LTBP1: variants seen among roughly 807,000 people sequenced by gnomAD.
The protein encoded by LTBP1 is latent-transforming growth factor beta-binding protein 1.
In LTBP1, 129 loss-of-function variants were observed where a neutral mutation model predicts 207.6. That is an observed-to-expected ratio of 0.62 (90% CI 0.54 to 0.72). The LOEUF (loss-of-function observed/expected upper bound fraction) is 0.72, where lower values mean the gene tolerates loss of function less well. LTBP1 is among the 30% of genes least tolerant of loss of function. LTBP1 has a pLI of 0.00. For missense variants in LTBP1, 2,281 were observed against 2,217.2 expected, an observed-to-expected ratio of 1.03 and a Z score of -0.58; for synonymous variants, 963 against 833.7, an observed-to-expected ratio of 1.16 and a Z score of -2.67.
intron 5 of LTBP1, among the ~76,000 whole-genome samples, chr2:33,141,016 A>C (rs1275088326): frequency 6.6e-6 from 1 of 152,218 alleles, no homozygotes; most frequent in Non-Finnish European, 1.5e-5. Flanking sequence ...GGCTAGTATT[A>C]GGAACAGTTA....
chr2:33,031,551 A>G (rs931136227), intron 3 of LTBP1, among the ~76,000 whole-genome samples: 1 of 152,250 alleles, frequency 6.6e-6, no homozygotes, highest in African/African-American at 2.4e-5. Flanking sequence ...TGTGGTGCAT[A>G]GTATAAATTC....
intron 10 of LTBP1, among the ~76,000 whole-genome samples, chr2:33,249,986 C>A (rs538259423): frequency 6.6e-6 from 1 of 152,126 alleles, no homozygotes; most frequent in East Asian, 1.9e-4. Flanking sequence ...AAATAATAAA[C>A]GTAGTACACT....
chr2:33,028,848 G>T (rs1233359949), intron 3 of LTBP1, among the ~76,000 whole-genome samples: 1 of 152,144 alleles, frequency 6.6e-6, no homozygotes, highest in Admixed American at 6.6e-5. Flanking sequence ...TAGACATAAG[G>T]CATGTTAACA....
Position 33,134,993 on chromosome 2 carries a change from C to G in LTBP1, c.1201+33C>G. The G allele has an allele frequency of 1.9e-6, 3 of 1,555,206 alleles. No individual in the cohort carries two copies. The highest frequency in any genetic ancestry group is 2.6e-6 in the Non-Finnish European group (3 of 1,150,586). Reference sequence around the variant, plus strand: ...CCTCCACGGTCCCTAACTGTCCTTACTGAGTCGAGTTTTATGAGATTGTAG... The same window carrying G: ...CCTCCACGGTCCCTAACTGTCCTTAGTGAGTCGAGTTTTATGAGATTGTAG... On this transcript the variant is annotated intron_variant, in intron 5 of 33. Coordinates refer to ENST00000404816, the MANE Select transcript of LTBP1 (RefSeq NM_206943.4). This position sits in a 1 kb window ranked among gnomAD's most constrained non-coding sequence, Gnocchi z 4.4.
chr2:33,203,377 T>C (rs978520188), intron 7 of LTBP1, among the ~76,000 whole-genome samples: 11 of 152,246 alleles, frequency 7.2e-5, no homozygotes, highest in African/African-American at 2.7e-4. Context: ...GGAGAACTGC[T>C]CGTTTTACTT....
At chr2:33,337,829 G>A (rs2094570583) in intron 24 of LTBP1, among the ~76,000 whole-genome samples, 1 of 152,148 alleles carries the variant, frequency 6.6e-6, no homozygotes, top group African/African-American at 2.4e-5. Context: ...TAGCAAAAAA[G>A]GATGACTTTC....
At chr2:33,325,954 A>G (rs2094421057) in intron 24 of LTBP1, among the ~76,000 whole-genome samples, 4 of 152,090 alleles carry the variant, frequency 2.6e-5, no homozygotes, top group African/African-American at 9.7e-5. Flanking sequence ...CTGTTTTATA[A>G]CACTGTCAGC....
intron 2 of LTBP1, among the ~76,000 whole-genome samples, chr2:33,003,375 A>C (rs1174855686): frequency 6.6e-6 from 1 of 152,178 alleles, no homozygotes; most frequent in Non-Finnish European, 1.5e-5. Flanking sequence ...CAATTTATAG[A>C]TGTTGCAGTT....
intron 31 of LTBP1, among the ~76,000 whole-genome samples, chr2:33,376,509 G>T (rs1349396720): frequency 6.6e-6 from 1 of 152,184 alleles, no homozygotes; most frequent in African/African-American, 2.4e-5. Flanking sequence ...CAGGACTTGG[G>T]ACCTGCATCC....
chr2:33,005,226 T>C (rs1309849814), intron 2 of LTBP1, among the ~76,000 whole-genome samples: 2 of 152,196 alleles, frequency 1.3e-5, no homozygotes, highest in East Asian at 1.9e-4. Flanking sequence ...GCAATTTAAA[T>C]TGGACAGGGC....
At chr2:33,315,353 C>T in intron 24 of LTBP1, 84 bp downstream of exon 24, 1 of 1,514,714 alleles carries the variant, frequency 6.6e-7, no homozygotes, top group Non-Finnish European at 9.0e-7. Context: ...CTTGAAGACA[C>T]TAAGAGGTAC....
intron 2 of LTBP1, among the ~76,000 whole-genome samples, chr2:32,955,861 G>T (rs544710709): frequency 6.6e-6 from 1 of 152,122 alleles, no homozygotes; most frequent in African/African-American, 2.4e-5. Context: ...GGTTGTTTTC[G>T]TACTTATGGA....
At chr2:32,956,680 CA>C (rs1328726940) in intron 2 of LTBP1, among the ~76,000 whole-genome samples, 1 of 152,192 alleles carries the variant, frequency 6.6e-6, no homozygotes, top group Non-Finnish European at 1.5e-5. Flanking sequence ...TCCCGTAAAT[CA>C]TGAATGTTCT....
intron 5 of LTBP1, among the ~76,000 whole-genome samples, chr2:33,178,015 C>T (rs964092816): frequency 6.6e-6 from 1 of 152,186 alleles, no homozygotes; most frequent in Non-Finnish European, 1.5e-5. Flanking sequence ...AAGGGCTGCT[C>T]CCCAGCCTGC....
At chr2:33,237,897 A>G (rs1308330553) in intron 9 of LTBP1, among the ~76,000 whole-genome samples, 3 of 152,190 alleles carry the variant, frequency 2.0e-5, no homozygotes, top group Non-Finnish European at 4.4e-5. Flanking sequence ...TCTTAGGCAG[A>G]TGACTTCAAA....
intron 9 of LTBP1, among the ~76,000 whole-genome samples, chr2:33,236,290 C>G (rs759588652): frequency 6.6e-6 from 1 of 152,160 alleles, no homozygotes; most frequent in Admixed American, 6.5e-5. Flanking sequence ...GATGCCAGAT[C>G]ATGTTTTACA....
At position 33,115,127 on chromosome 2, in the gene LTBP1, T is replaced by TAC. The variant is rs59790199; in HGVS notation, c.1033+4390_1033+4391dup. 5.2e-4 allele frequency among the ~76,000 whole-genome samples: 79 copies of TAC among 150,920 alleles called. 1 individual carries two copies. The highest frequency in any genetic ancestry group is 1.2e-3 in the African/African-American group (50 of 41,074). ...ATGTACACACACACACACATATATA[T>TAC]ACACACACACACACAATGTAGGAGT... On this transcript the variant is annotated intron_variant, in intron 4 of 33. Transcript: ENST00000404816.
chr2:32,981,728 C>A (rs760098306), intron 2 of LTBP1, among the ~76,000 whole-genome samples: 4 of 152,032 alleles, frequency 2.6e-5, no homozygotes, highest in Non-Finnish European at 4.4e-5. Context: ...ATCATGGGGG[C>A]GAGTTTTTCC....
At chr2:33,215,304 T>C (rs2090595836) in intron 7 of LTBP1, among the ~76,000 whole-genome samples, 1 of 152,146 alleles carries the variant, frequency 6.6e-6, no homozygotes, top group African/African-American at 2.4e-5. Flanking sequence ...TCTAAGATAA[T>C]GCGTGTAAGA....
Sources: gnomAD v4.1 joint callset for allele counts (sites outside exome capture counted in the v4.1 genomes callset) on GRCh38, gnomAD v4.1.1 for gene constraint, Gnocchi (gnomAD v3.1) non-coding constraint, MANE v1.5 for transcripts, NCBI Gene and HGNC (gene_info 2026-07-23, HGNC 2026-07-21) for gene names.